The following PDE4D variants were observed in gnomAD, a reference collection of about 807,000 sequenced individuals.
The protein encoded by PDE4D is 3',5'-cyclic-AMP phosphodiesterase 4D.
A neutral mutation model predicts 87.4 loss-of-function variants in PDE4D; 24 were observed. The ratio of observed to expected loss-of-function variants is 0.27; its 90% CI spans 0.20 to 0.39. The LOEUF is 0.39. Ranked by LOEUF, PDE4D falls within the 10% of genes least tolerant of loss-of-function variation. PDE4D has a pLI of 1.00. For missense variants in PDE4D, 714 were observed against 1,041.0 expected, an observed-to-expected ratio of 0.69 and a Z score of 4.32; for synonymous variants, 384 against 383.2, an observed-to-expected ratio of 1.00 and a Z score of -0.02.
chr5:59,625,885 C>G (rs752436490), intron 1 of PDE4D, among the ~76,000 whole-genome samples: 10 of 152,280 alleles, frequency 6.6e-5, no homozygotes, highest in Non-Finnish European at 1.3e-4. Flanking sequence ...TTGAGACCAT[C>G]CTAGCTAACA....
At chr5:59,582,786 C>T (rs141604883) in intron 1 of PDE4D, among the ~76,000 whole-genome samples, 31 of 152,196 alleles carry the variant, frequency 2.0e-4, no homozygotes, top group Middle Eastern at 3.4e-3. Context: ...AGTGAAAGTG[C>T]CACAGTCACC....
intron 1 of PDE4D, among the ~76,000 whole-genome samples, chr5:60,233,793 A>G (rs1746095529): frequency 6.6e-6 from 1 of 151,786 alleles, no homozygotes; most frequent in Non-Finnish European, 1.5e-5. Flanking sequence ...TATTATGCTT[A>G]CAGGTGAGGA....
chr5:59,863,379 T>A (rs1746557509), intron 1 of PDE4D, among the ~76,000 whole-genome samples: 1 of 152,202 alleles, frequency 6.6e-6, no homozygotes, highest in Non-Finnish European at 1.5e-5. Context: ...AATTTCTTAC[T>A]ATTTTTTTTT....
chr5:59,778,621 C>T (rs1257177673), intron 1 of PDE4D, among the ~76,000 whole-genome samples: 1 of 152,096 alleles, frequency 6.6e-6, no homozygotes, highest in Non-Finnish European at 1.5e-5. Context: ...ACAAAGAAAT[C>T]CTCTTGATAC....
chr5:59,020,335 C>G (rs10059338), intron 6 of PDE4D, among the ~76,000 whole-genome samples: 1 of 151,824 alleles, frequency 6.6e-6, no homozygotes, highest in African/African-American at 2.4e-5. Flanking sequence ...AACAGCTGGG[C>G]GTGGTCATGC....
At chr5:60,159,706 A>G (rs1225911355) in intron 2 of PDE4D, among the ~76,000 whole-genome samples, 1 of 152,216 alleles carries the variant, frequency 6.6e-6, no homozygotes, top group East Asian at 1.9e-4. Flanking sequence ...ATATTTCAAT[A>G]TTTTAATTAT....
intron 1 of PDE4D, among the ~76,000 whole-genome samples, chr5:59,701,612 A>C (rs2150454481): frequency 6.6e-6 from 1 of 152,344 alleles, no homozygotes; most frequent in South Asian, 2.1e-4. Flanking sequence ...AAGCCCAAGG[A>C]GTTTCACAAT....
intron 5 of PDE4D, among the ~76,000 whole-genome samples, chr5:59,147,762 T>A (rs1330325768): frequency 6.6e-6 from 1 of 152,216 alleles, no homozygotes; most frequent in Admixed American, 6.5e-5. Flanking sequence ...GTATTTCCTA[T>A]TTTTTGTTGT....
chr5:59,253,004 C>T (rs1289437554), intron 1 of PDE4D, among the ~76,000 whole-genome samples: 4 of 152,138 alleles, frequency 2.6e-5, no homozygotes, highest in African/African-American at 9.7e-5. Context: ...CTTAGCATTG[C>T]AATTAGATCA....
chr5:59,505,077 ATCT>A (rs1383605104), intron 1 of PDE4D, among the ~76,000 whole-genome samples: 1 of 152,100 alleles, frequency 6.6e-6, no homozygotes, highest in East Asian at 1.9e-4. Flanking sequence ...CAACAGTTTC[ATCT>A]TCTAGATCTT....
At chr5:59,889,380 C>T (rs1475928462) in intron 1 of PDE4D, among the ~76,000 whole-genome samples, 1 of 151,828 alleles carries the variant, frequency 6.6e-6, no homozygotes, top group East Asian at 1.9e-4. Flanking sequence ...CTTTGGGAGT[C>T]TGAGGCAGGA....
intron 1 of PDE4D, among the ~76,000 whole-genome samples, chr5:59,747,865 C>A (rs1346691339): frequency 6.6e-6 from 1 of 152,156 alleles, no homozygotes; most frequent in Non-Finnish European, 1.5e-5. Flanking sequence ...AAGAATATTG[C>A]TCCTGCAATT....
intron 5 of PDE4D, chr5:59,157,468 A>T (rs1780424236): frequency 4.6e-6 from 3 of 648,546 alleles, no homozygotes; most frequent in Admixed American, 4.9e-5. Context: ...TGAATTTACG[A>T]CTAAGTTTCC....
intron 1 of PDE4D, among the ~76,000 whole-genome samples, chr5:59,293,686 T>C (rs1768489362): frequency 6.6e-6 from 1 of 152,142 alleles, no homozygotes; most frequent in African/African-American, 2.4e-5. Flanking sequence ...CTTACCTAAA[T>C]AGGAACTATA....
At chr5:60,245,716 C>A (rs1256710276) in intron 1 of PDE4D, among the ~76,000 whole-genome samples, 1 of 151,460 alleles carries the variant, frequency 6.6e-6, no homozygotes, top group Non-Finnish European at 1.5e-5. Flanking sequence ...TTTGTGGGAG[C>A]TAAAAATTAA....
intron 1 of PDE4D, among the ~76,000 whole-genome samples, chr5:59,242,454 A>C (rs887951546): frequency 6.6e-6 from 1 of 152,112 alleles, no homozygotes; most frequent in Non-Finnish European, 1.5e-5. Flanking sequence ...CTCAATTTCA[A>C]CTCCACTGGG....
At chr5:60,014,967 T>C (rs1765371993) in intron 2 of PDE4D, among the ~76,000 whole-genome samples, 1 of 152,180 alleles carries the variant, frequency 6.6e-6, no homozygotes, top group African/African-American at 2.4e-5. Flanking sequence ...TTTGAGGGAA[T>C]TGGTAACATG....
intron 1 of PDE4D, among the ~76,000 whole-genome samples, chr5:60,344,251 A>C (rs146190613): frequency 1.3e-5 from 2 of 152,260 alleles, no homozygotes; most frequent in African/African-American, 4.8e-5. Context: ...ATCCTTCTCC[A>C]ACGGACATAG....
chr5:59,417,308 G>A (rs995828873), intron 1 of PDE4D, among the ~76,000 whole-genome samples: 2 of 152,124 alleles, frequency 1.3e-5, no homozygotes, highest in African/African-American at 4.8e-5. Flanking sequence ...CCAGCCAAGA[G>A]CATTGGGGAA....
Sources: allele counts gnomAD v4.1 joint callset (sites outside exome capture counted in the v4.1 genomes callset), GRCh38; gene constraint gnomAD v4.1.1; transcripts MANE v1.5; gene names NCBI Gene and HGNC (gene_info 2026-07-23, HGNC 2026-07-21).